The following APBB1 variants were observed in gnomAD, a reference collection of about 807,000 sequenced individuals.
APBB1 encodes the protein amyloid beta precursor protein binding family B member 1.
In APBB1, 22 loss-of-function variants were observed where a neutral mutation model predicts 78.4. The observed-to-expected ratio is 0.28, with a 90% CI of 0.20 to 0.40. The LOEUF (loss-of-function observed/expected upper bound fraction) is 0.40, where lower values mean the gene tolerates loss of function less well. Among genes scored for constraint, APBB1 ranks in the 10% least tolerant of loss-of-function variants. The probability of loss-of-function intolerance (pLI) is 1.00; values close to 1 mark genes in which losing one functional copy is unlikely to be tolerated. For synonymous variants in APBB1, 369 were observed against 372.7 expected (o/e 0.99, Z 0.12); for missense variants, 749 against 932.4 (o/e 0.80, Z 2.56).
intron 2 of APBB1, chr11:6,405,412 C>A (rs746476549): frequency 8.7e-4 from 860 of 987,234 alleles, no homozygotes; most frequent in Non-Finnish European, 1.0e-3. Flanking sequence ...TAGGCTGCAG[C>A]GTCTCCTCGG....
At chr11:6,416,723 A>G (rs1400462017) in intron 1 of APBB1, among the ~76,000 whole-genome samples, 1 of 151,972 alleles carries the variant, frequency 6.6e-6, no homozygotes, top group Admixed American at 6.5e-5. Context: ...CATCAAGGAC[A>G]AAGACCTTAA....
chr11:6,396,940 TC>T (rs1379617780), intron 12 of APBB1, among the ~76,000 whole-genome samples: 6 of 152,222 alleles, frequency 3.9e-5, no homozygotes, highest in Non-Finnish European at 8.8e-5. Flanking sequence ...TATAATGTGC[TC>T]AAGAGCCAAG....
chr11:6,401,693 T>C lies in APBB1; in HGVS notation c.1389-5A>G. 2.5e-6 allele frequency: 4 copies of C among 1,614,088 alleles called. No individual in the cohort carries two copies. The South Asian group carries it at 4.4e-5, about 18-fold the overall frequency. ...CGAGCTACGTAGGCAAAGTCCCTGTTGGGGAAGGGGCACCTCAGTGTCTCC... is the reference window on the plus strand; with the variant it reads ...CGAGCTACGTAGGCAAAGTCCCTGTCGGGGAAGGGGCACCTCAGTGTCTCC... On this transcript the variant is annotated splice_region_variant and splice_polypyrimidine_tract_variant and intron_variant, in intron 9 of 14. Coordinates refer to ENST00000609360, the MANE Select transcript of APBB1 (RefSeq NM_001164.5). This position sits in a 1 kb window ranked among gnomAD's most constrained non-coding sequence, Gnocchi z 4.5.
At chr11:6,404,249 C>T (rs1156483453) in intron 2 of APBB1, among the ~76,000 whole-genome samples, 1 of 152,190 alleles carries the variant, frequency 6.6e-6, no homozygotes, top group African/African-American at 2.4e-5. Context: ...CCTGTGCAGC[C>T]ACAAACACCA....
chr11:6,410,917 T>G lies in APBB1; in HGVS notation c.431A>C (p.Gln144Pro), dbSNP rs375316100. ...GPGLIISTQEQGPDEGEEKAA... is the reference protein window; with the variant it reads ...GPGLIISTQEPGPDEGEEKAA... ...CTTCTCCTCTCCCTCATCTGGCCCC[T>G]GCTCTTGAGTGCTGATGATCAGGCC... The change falls in exon 2 of 15, where the codon CAG becomes CCG. Residue 144 changes from glutamine to proline, a missense_variant. Gln to Pro is a moderately conservative substitution (Grantham distance 76). Around this residue, in one of 3 missense-constraint regions of APBB1, gnomAD observed 635 missense variants for 765.0 expected, o/e 0.83. Coordinates refer to ENST00000609360, the MANE Select transcript of APBB1 (RefSeq NM_001164.5). 4.3e-6 allele frequency: 7 copies of G among 1,614,190 alleles called. No homozygotes were observed. The African/African-American group carries it at 8.0e-5, about 18-fold the overall frequency.
chr11:6,409,742 A>G lies in APBB1; in HGVS notation c.721+885T>C, dbSNP rs1327060560. Among the ~76,000 whole-genome samples, 3 of 146,376 alleles carry G rather than the reference A, an allele frequency of 2.0e-5. 1 individual carries two copies. The highest frequency in any genetic ancestry group is 8.4e-5 in the African/African-American group (3 of 35,914). The stretch of plus-strand genomic sequence containing the variant: ...GTTTTGGTTGTAACTATAGCCCATT[A>G]TCTCCACTCTTTGTTCCTCAGCTTT... On this transcript the variant is annotated intron_variant, in intron 2 of 14. Transcript: ENST00000609360.
chr11:6,397,483 T>G (rs1848290840), intron 12 of APBB1, among the ~76,000 whole-genome samples: 1 of 152,254 alleles, frequency 6.6e-6, no homozygotes, highest in Non-Finnish European at 1.5e-5. Context: ...AAATGGCCTG[T>G]AAAGCAGATG....
chr11:6,395,994 A>G lies in APBB1; in HGVS notation c.1789-32T>C, dbSNP rs1471354611. ...GGAGGGAACTCAGTTAAAAAGGAACACCAACCCCACACTGTGTTCCACATC... is the reference window on the plus strand; with the variant it reads ...GGAGGGAACTCAGTTAAAAAGGAACGCCAACCCCACACTGTGTTCCACATC... On this transcript the variant is annotated intron_variant, in intron 13 of 14. Transcript: ENST00000609360. This position sits in a 1 kb window ranked among gnomAD's most constrained non-coding sequence, Gnocchi z 5.2. The G allele has an allele frequency of 6.2e-7, 1 of 1,608,762 alleles. No homozygotes were observed.
chr11:6,395,931 C>T lies in APBB1; in HGVS notation c.1820G>A (p.Arg607His). The change falls in exon 14 of 15, where the codon CGT becomes CAT. Residue 607 changes from arginine to histidine, a missense_variant. Physicochemically the swap from Arg to His is conservative, Grantham distance 29. Coordinates refer to ENST00000609360, the MANE Select transcript of APBB1 (RefSeq NM_001164.5). This position sits in a 1 kb window ranked among gnomAD's most constrained non-coding sequence, Gnocchi z 5.2. ...TEAVLGECRV[R>H]FLSFLAVGRD... ...GCCCACGGCCAGGAAGGAGAGGAAA[C>T]GCACCCGACACTCTCCCAGCACTGC... 2.5e-6 allele frequency: 4 copies of T among 1,613,740 alleles called. No homozygotes were observed. Among genetic ancestry groups the T allele is most frequent in the South Asian group, 1.1e-5 (1 of 91,064 alleles).
intron 2 of APBB1, among the ~76,000 whole-genome samples, chr11:6,408,433 T>C (rs1485227628): frequency 6.6e-6 from 1 of 152,180 alleles, no homozygotes; most frequent in African/African-American, 2.4e-5. Flanking sequence ...GGTAGGAGGA[T>C]TGTTTGAGAA....
chr11:6,397,057 T>G (rs1265364178), intron 12 of APBB1, among the ~76,000 whole-genome samples: 1 of 152,232 alleles, frequency 6.6e-6, no homozygotes, highest in Non-Finnish European at 1.5e-5. Flanking sequence ...ATCCCACTTT[T>G]GCTTGCACTC....
chr11:6,418,975 C>A lies in APBB1; in HGVS notation c.-15+10G>T. 2.6e-6 allele frequency: 1 copy of A among 392,080 alleles called. No individual in the cohort carries two copies. The highest frequency in any genetic ancestry group is 4.5e-6 in the Non-Finnish European group (1 of 221,650). 24.3% of individuals were successfully genotyped at this position (392,080 alleles called of 1,614,324 possible). The stretch of plus-strand genomic sequence containing the variant: ...CACCGGGGCTGGGCCGGGGCAGGGA[C>A]ACCTCCTACCTGCGCGGTGAGGCCC... On this transcript the variant is annotated intron_variant, in intron 1 of 14. Transcript: ENST00000609360.
At position 6,395,616 on chromosome 11, in the gene APBB1, C is replaced by G; in HGVS notation, c.2051G>C (p.Arg684Pro). 6.3e-7 allele frequency: 1 copy of G among 1,597,918 alleles called. No individual in the cohort carries two copies. Among genetic ancestry groups the G allele is most frequent in the South Asian group, 1.1e-5 (1 of 88,958 alleles). ...ACCCCTGCGGACAGTCCACCCTACA[C>G]GCCGTGCCACAGACTCAGCAGGGGG... ...PAPPAESVARRVGWTVRRGVQ... is the reference protein window; with the variant it reads ...PAPPAESVARPVGWTVRRGVQ... Residue 684 changes from arginine (R) to proline (P), a missense_variant, in exon 15 of 15, where the codon CGT becomes CCT. Around this residue, in one of 3 missense-constraint regions of APBB1, gnomAD observed 96 missense variants for 116.0 expected, o/e 0.83. Transcript: ENST00000609360. This position sits in a 1 kb window ranked among gnomAD's most constrained non-coding sequence, Gnocchi z 5.2.
At chr11:6,418,859 CGGGGATG>C (rs909154741) in intron 1 of APBB1, 119 bp downstream of exon 1, 37 of 360,552 alleles carry the variant, frequency 1.0e-4, no homozygotes, top group Middle Eastern at 1.4e-3. Context: ...AAGGGCGACC[CGGGGATG>C]GGGGATGGGG....
chr11:6,417,023 C>A (rs1369936269), intron 1 of APBB1, among the ~76,000 whole-genome samples: 1 of 152,218 alleles, frequency 6.6e-6, no homozygotes, highest in Non-Finnish European at 1.5e-5. Context: ...GGATTACAGG[C>A]GTGAGCCATC....
rs1366716335 is a variant in APBB1, at chr11:6,395,765, A to G, written c.1965+21T>C. The G allele has an allele frequency of 2.5e-6, 4 of 1,606,892 alleles. No individual in the cohort carries two copies. The highest frequency in any genetic ancestry group is 3.4e-6 in the Non-Finnish European group (4 of 1,177,116). On this transcript the variant is annotated intron_variant, in intron 14 of 14. Coordinates refer to ENST00000609360, the MANE Select transcript of APBB1 (RefSeq NM_001164.5). This position sits in a 1 kb window ranked among gnomAD's most constrained non-coding sequence, Gnocchi z 5.2. ...TCCCATGGGGCCACGCCACCACCAC[A>G]CCACCCTACTAGTAGCTTACCATGC...
Position 6,395,625 on chromosome 11 carries a change from A to T in APBB1, c.2042T>A (p.Val681Glu). The change falls in exon 15 of 15, where the codon GTG becomes GAG. Residue 681 changes from valine (V) to glutamate (E), a missense_variant. This residue lies in a region of APBB1 where 96 missense variants were observed against 116.0 expected (regional missense o/e 0.83). Transcript: ENST00000609360. This position sits in a 1 kb window ranked among gnomAD's most constrained non-coding sequence, Gnocchi z 5.2. ...GACAGTCCACCCTACACGCCGTGCC[A>T]CAGACTCAGCAGGGGGTGCTGGGAG... ...SCLPAPPAES[V>E]ARRVGWTVRR... 1 of 1,598,118 alleles carries T rather than the reference A, an allele frequency of 6.3e-7. No homozygotes were observed. The highest frequency in any genetic ancestry group is 1.1e-5 in the South Asian group (1 of 89,002).
Position 6,395,550 on chromosome 11 carries a change from C to T in APBB1, c.2117G>A (p.Gly706Glu), listed in dbSNP as rs1848162496. The change falls in exon 15 of 15, where the codon GGG (glycine) becomes GAG (glutamate). Residue 706 changes from glycine (G) to glutamate (E), a missense_variant. Around this residue, in one of 3 missense-constraint regions of APBB1, gnomAD observed 96 missense variants for 116.0 expected, o/e 0.83. Coordinates refer to ENST00000609360, the MANE Select transcript of APBB1 (RefSeq NM_001164.5). The surrounding 1 kb of genome is among the most constrained non-coding windows in gnomAD (Gnocchi z 5.2). ...LWGSLKPKRLGAHTP is the reference protein window; with the variant it reads ...LWGSLKPKRLEAHTP ...GGGGCTTCTTCATGGGGTATGGGCC[C>T]CCAGCCGTTTGGGCTTCAGGGAGCC... 2 of 1,567,726 alleles carry T rather than the reference C, an allele frequency of 1.3e-6. No homozygotes were observed. The highest frequency in any genetic ancestry group is 8.6e-7 in the Non-Finnish European group (1 of 1,157,188).
At chr11:6,417,448 G>A (rs1849147932) in intron 1 of APBB1, among the ~76,000 whole-genome samples, 1 of 152,132 alleles carries the variant, frequency 6.6e-6, no homozygotes, top group Non-Finnish European at 1.5e-5. Flanking sequence ...TAGATTGTCA[G>A]CTCCAAGGAC....
Sources: allele counts gnomAD v4.1 joint callset (sites outside exome capture counted in the v4.1 genomes callset), GRCh38; gene constraint gnomAD v4.1.1; regional missense constraint gnomAD v4.1.1; non-coding constraint Gnocchi (gnomAD v3.1); transcripts MANE v1.5; gene names NCBI Gene and HGNC (gene_info 2026-07-23, HGNC 2026-07-21).